Variants in ZNF573 observed in about 807,000 individuals in gnomAD.
The protein encoded by ZNF573 is zinc finger protein 573.
ZNF573 carries 41 observed loss-of-function variants against 57.4 expected under a neutral mutation model. That is an observed-to-expected ratio of 0.71 (90% CI 0.56 to 0.93). The LOEUF (loss-of-function observed/expected upper bound fraction) is 0.93, where lower values mean the gene tolerates loss of function less well. Among genes scored for constraint, ZNF573 ranks in the 40% least tolerant of loss-of-function variants. The pLI is 0.00. For missense variants in ZNF573, 730 were observed against 794.8 expected, an observed-to-expected ratio of 0.92 and a Z score of 0.98; for synonymous variants, 249 against 261.0, an observed-to-expected ratio of 0.95 and a Z score of 0.44.
intron 4 of ZNF573, among the ~76,000 whole-genome samples, chr19:37,765,497 G>A (rs1369365154): frequency 1.3e-5 from 2 of 152,004 alleles, no homozygotes; most frequent in Non-Finnish European, 2.9e-5. Flanking sequence ...GATCACGGGA[G>A]GTCGGGAGTT....
chr19:37,773,074 T>C lies in ZNF573; in HGVS notation c.69+587A>G, dbSNP rs371481170. On this transcript the variant is annotated intron_variant, in intron 2 of 4. Transcript: ENST00000536220. ...ACTTTTCTTGTTCCAGAATGGATACTGATATAGGATGACTCATAATAAAAA... is the reference window on the plus strand; with the variant it reads ...ACTTTTCTTGTTCCAGAATGGATACCGATATAGGATGACTCATAATAAAAA... 3.1e-4 allele frequency: 199 copies of C among 637,586 alleles called. No individual in the cohort carries two copies. The African/African-American group carries it at 3.5e-3, about 11-fold the overall frequency. 39.5% of individuals were successfully genotyped at this position (637,586 alleles called of 1,614,324 possible).
intron 1 of ZNF573, among the ~76,000 whole-genome samples, chr19:37,774,115 A>G (rs2045684347): frequency 1.4e-5 from 2 of 147,328 alleles, no homozygotes; most frequent in South Asian, 4.3e-4. Context: ...TATCGTTCAA[A>G]CTAGAAGCTT....
At chr19:37,770,128 A>AATAAATAAATAAAT (rs1301987352) in intron 3 of ZNF573, 31 bp from the exon 4 acceptor site, 1 of 1,490,384 alleles carries the variant, frequency 6.7e-7, no homozygotes, top group African/African-American at 1.4e-5. Flanking sequence ...ACATGGTATA[A>AATAAATAAATAAAT]AAATAAAAAC....
At chr19:37,755,399 A>G (rs2045478293) in intron 4 of ZNF573, 1 of 152,228 alleles carries the variant, frequency 6.6e-6, no homozygotes, top group Non-Finnish European at 1.5e-5. Context: ...ATCTAACCAC[A>G]TAGAGCGCCA....
At chr19:37,774,802 T>C (rs1437302091) in intron 1 of ZNF573, among the ~76,000 whole-genome samples, 1 of 152,162 alleles carries the variant, frequency 6.6e-6, no homozygotes, top group Non-Finnish European at 1.5e-5. Context: ...TACAACATGA[T>C]CATATGTTAC....
In ZNF573 at chr19:37,738,902, C is replaced by A. The variant is rs561491855; in HGVS notation, c.1588G>T (p.Val530Leu). The A allele has an allele frequency of 1.9e-6, 3 of 1,610,698 alleles. No homozygotes were observed. The highest frequency in any genetic ancestry group is 2.2e-5 in the South Asian group (2 of 90,796). Residue 530 changes from valine (V) to leucine (L), a missense_variant, in exon 5 of 5, where the codon GTA becomes TTA. By Grantham distance (32) the Val-to-Leu change is conservative. Coordinates refer to ENST00000536220, the MANE Select transcript of ZNF573 (RefSeq NM_001172690.2). ...HTGMKPYECK[V>L]CRKTFTFYRN... is the part of the protein sequence containing the mutation. ...TAGAAAGTAAAGGTTTTTCTACATACCTTACATTCATAGGGTTTCATACCA... is the reference window on the plus strand; with the variant it reads ...TAGAAAGTAAAGGTTTTTCTACATAACTTACATTCATAGGGTTTCATACCA...
At chr19:37,767,299 G>C (rs1319344887) in intron 4 of ZNF573, among the ~76,000 whole-genome samples, 2 of 151,986 alleles carry the variant, frequency 1.3e-5, no homozygotes. Flanking sequence ...CGCGATCTCG[G>C]CAAACTGCAA....
rs2045287422 is a variant in ZNF573, at chr19:37,738,756, A to G, written c.1734T>C (p.Asp578=). 1 of 1,613,828 alleles carries G rather than the reference A, an allele frequency of 6.2e-7. No homozygotes were observed. Among genetic ancestry groups the G allele is most frequent in the Admixed American group, 1.7e-5 (1 of 59,960 alleles). ...ATTCTTTACATTCATAGGGTTTTTT[A>G]TCAGCATGAATGCTCTGATGTGCAG... ...HLTAHQSIHA[D]KKPYECKECG... is the part of the protein sequence containing the mutation. Residue 578 remains aspartate, a synonymous_variant, in exon 5 of 5, where the codon GAT becomes GAC. Transcript: ENST00000536220.
intron 4 of ZNF573, among the ~76,000 whole-genome samples, chr19:37,750,141 G>A (rs570397412): frequency 1.3e-3 from 199 of 150,994 alleles, no homozygotes; most frequent in Non-Finnish European, 2.3e-3. Flanking sequence ...GGGGTGCAGT[G>A]GCACGATCTC....
intron 4 of ZNF573, among the ~76,000 whole-genome samples, chr19:37,750,880 A>AG (rs2045428140): frequency 6.6e-6 from 1 of 151,728 alleles, no homozygotes; most frequent in Non-Finnish European, 1.5e-5. Flanking sequence ...GAAAATGACA[A>AG]GCTGAACTAA....
At chr19:37,776,938 C>A (rs190427619) in intron 1 of ZNF573, among the ~76,000 whole-genome samples, 38 of 152,214 alleles carry the variant, frequency 2.5e-4, no homozygotes, top group Admixed American at 2.2e-3. Flanking sequence ...CAATGTGATA[C>A]CAATTTGCTC....
chr19:37,769,067 C>G (rs1329658408), intron 4 of ZNF573, among the ~76,000 whole-genome samples: 1 of 151,716 alleles, frequency 6.6e-6, no homozygotes, highest in East Asian at 1.9e-4. Context: ...TGGGTTCAAG[C>G]GATTCTCCTG....
At chr19:37,769,896 A>G (rs1417699746) in intron 4 of ZNF573, 109 bp downstream of exon 4, 2 of 901,156 alleles carry the variant, frequency 2.2e-6, no homozygotes, top group African/African-American at 3.3e-5. Flanking sequence ...CCTTTGCTCC[A>G]CAAGTCTGGG....
rs193108728 is a variant in ZNF573, at chr19:37,753,442, G to A, written c.296-13248C>T. 1.4e-3 allele frequency among the ~76,000 whole-genome samples: 205 copies of A among 151,588 alleles called. 1 individual carries two copies. Among genetic ancestry groups the A allele is most frequent in the Admixed American group, 3.7e-3 (56 of 15,216 alleles). ...TTATTGACTATAGTCACTTTGTTGCGCTATCAAATACTAGATCTTATTTAT... is the reference window on the plus strand; with the variant it reads ...TTATTGACTATAGTCACTTTGTTGCACTATCAAATACTAGATCTTATTTAT... On this transcript the variant is annotated intron_variant, in intron 4 of 4. Transcript: ENST00000536220.
In ZNF573 at chr19:37,739,281, T is replaced by C. The variant is rs141239620; in HGVS notation, c.1209A>G (p.Gln403=). ...TCTCGCCAGTATGAGTTTTCTGATG[T>C]TGAAAGAGTTTTGAACCAGTAGTAT... ...KTYTTGSKLF[Q]HQKTHTGEKP... is the part of the protein sequence containing the mutation. The change falls in exon 5 of 5, where the codon CAA becomes CAG. Residue 403 remains glutamine (Q), a synonymous_variant. Transcript: ENST00000536220. 22,713 of 1,614,058 alleles carry C rather than the reference T, an allele frequency of 0.014. 196 individuals carry two copies. Among genetic ancestry groups the C allele is most frequent in the Non-Finnish European group, 0.017 (19,649 of 1,180,010 alleles).
intron 4 of ZNF573, among the ~76,000 whole-genome samples, chr19:37,744,852 G>T (rs1433527740): frequency 6.6e-6 from 1 of 151,802 alleles, no homozygotes; most frequent in Non-Finnish European, 1.5e-5. Flanking sequence ...TGCGATCTCG[G>T]CTCACTCCAA....
In ZNF573 at chr19:37,758,199, T is replaced by TAAAAA. The variant is rs1224494420; in HGVS notation, c.295+11805_295+11806insTTTTT. Among the ~76,000 whole-genome samples, 44 of 11,878 alleles carry TAAAAA rather than the reference T, an allele frequency of 3.7e-3. 9 individuals carry two copies. The highest frequency in any genetic ancestry group is 0.011 in the Non-Finnish European group (41 of 3,706). The allele number at this position is 11,878 out of a possible 152,430, so 7.8% of individuals were successfully genotyped here. A position where few individuals can be genotyped will look rare whatever the true frequency, so the allele number is the denominator to read the frequency against. ...ATGTACCCTAGAACTTAAAGTATAA[T>TAAAAA]AAAATATATATATATATATATATAT... On this transcript the variant is annotated intron_variant, in intron 4 of 4. Transcript: ENST00000536220.
chr19:37,769,978 C>T, intron 4 of ZNF573, 27 bp downstream of exon 4: 1 of 1,535,526 alleles, frequency 6.5e-7, no homozygotes, highest in East Asian at 2.4e-5. Context: ...TGTGGCCGGC[C>T]CTGATGGTGT....
intron 4 of ZNF573, among the ~76,000 whole-genome samples, chr19:37,744,745 AAAAAAAAAAAAG>A (rs1242175538): frequency 1.1e-3 from 165 of 148,488 alleles, no homozygotes; most frequent in African/African-American, 3.5e-3. Flanking sequence ...TATCTCAAAA[AAAAAAAAAAAAG>A]AAAAAAAAAA....
Sources: allele counts gnomAD v4.1 joint callset (sites outside exome capture counted in the v4.1 genomes callset), GRCh38; gene constraint gnomAD v4.1.1; transcripts MANE v1.5; gene names NCBI Gene and HGNC (gene_info 2026-07-23, HGNC 2026-07-21).